MX2: variants seen among roughly 807,000 people sequenced by gnomAD.
MX2 encodes the protein interferon-induced GTP-binding protein Mx2.
A neutral mutation model predicts 74.0 loss-of-function variants in MX2; 51 were observed. The ratio of observed to expected loss-of-function variants is 0.69; its 90% CI spans 0.55 to 0.87. MX2 has a LOEUF of 0.87. Ranked by LOEUF, MX2 falls within the 40% of genes least tolerant of loss-of-function variation. The pLI is 0.00. For missense variants in MX2, 832 were observed against 908.7 expected (o/e 0.92, Z 1.09); for synonymous variants, 369 against 339.3 (o/e 1.09, Z -0.96).
intron 7 of MX2, 62 bp from the exon 8 acceptor site, chr21:41,397,551 C>G: frequency 6.7e-7 from 1 of 1,491,008 alleles, no homozygotes; most frequent in Non-Finnish European, 9.3e-7. Context: ...CGCACAAAGT[C>G]CGGTACTAGC....
chr21:41,402,306 G>T lies in MX2; in HGVS notation c.1573+178G>T. 1 of 657,346 alleles carries T rather than the reference G, an allele frequency of 1.5e-6. No individual in the cohort carries two copies. 40.7% of individuals were successfully genotyped at this position (657,346 alleles called of 1,614,324 possible). On this transcript the variant is annotated intron_variant, in intron 11 of 13. Coordinates refer to ENST00000330714, the MANE Select transcript of MX2 (RefSeq NM_002463.2). The surrounding 1 kb of genome is among the most constrained non-coding windows in gnomAD (Gnocchi z 4.5). ...CCAGCAGCACTGGCAAGGCCTGAGA[G>T]CTGGTCAGAGCTACCGATTCTGCCC...
rs201114338 is a variant in MX2, at chr21:41,406,719, G to A, written c.1651-25G>A. 2.7e-5 allele frequency: 44 copies of A among 1,600,946 alleles called. No homozygotes were observed. In the South Asian group the frequency reaches 4.2e-4, roughly 15 times the overall value. On this transcript the variant is annotated intron_variant, in intron 12 of 13. Transcript: ENST00000330714. Reference sequence around the variant, plus strand: ...ACAGGAAAGAAGAAAAAGAAGTAATGTGTTTGTCTTTTTTATCTAACCAGA... The same window carrying A: ...ACAGGAAAGAAGAAAAAGAAGTAATATGTTTGTCTTTTTTATCTAACCAGA...
At chr21:41,371,456 G>A (rs1047243385) in intron 1 of MX2, among the ~76,000 whole-genome samples, 2 of 152,030 alleles carry the variant, frequency 1.3e-5, no homozygotes, top group African/African-American at 4.8e-5. Flanking sequence ...CTCTTCCAGC[G>A]GACCCACACC....
At chr21:41,403,694 A>C in intron 12 of MX2, 1 of 508,996 alleles carries the variant, frequency 2.0e-6, no homozygotes, top group Admixed American at 2.2e-5. Context: ...CCTACTCCCA[A>C]ATTTGTATGT....
rs370154196 is a variant in MX2 at position 41,397,701 on chromosome 21, G to A, written c.1149+10G>A. On this transcript the variant is annotated intron_variant, in intron 8 of 13. Coordinates refer to ENST00000330714, the MANE Select transcript of MX2 (RefSeq NM_002463.2). ...CATCATGCATATCCAAGTGAGCCAC[G>A]TGGGTTGGGTGACAAGTCATCAATA... is the stretch of plus-strand genomic sequence containing the variant. 48 of 1,611,962 alleles carry A rather than the reference G, an allele frequency of 3.0e-5. No homozygotes were observed. The highest frequency in any genetic ancestry group is 3.8e-5 in the Non-Finnish European group (45 of 1,178,176).
Position 41,397,638 on chromosome 21 carries a change from A to T in MX2, c.1096A>T (p.Thr366Ser). Residue 366 changes from threonine (T) to serine (S), a missense_variant, in exon 8 of 14, where the codon ACG (threonine) becomes TCG (serine). Physicochemically the swap from Thr to Ser is moderately conservative, Grantham distance 58 (BLOSUM62 1). Coordinates refer to ENST00000330714, the MANE Select transcript of MX2 (RefSeq NM_002463.2). ...FRVLLEEGSATVPRLAERLTT... is the reference protein window; with the variant it reads ...FRVLLEEGSASVPRLAERLTT... ...AGTTCTCCTGGAGGAGGGGTCAGCC[A>T]CGGTTCCCCGACTGGCAGAAAGACT... 6.2e-7 allele frequency: 1 copy of T among 1,614,156 alleles called. No individual in the cohort carries two copies. The highest frequency in any genetic ancestry group is 2.2e-5 in the East Asian group (1 of 44,882).
At position 41,390,635 on chromosome 21, in the gene MX2, T is replaced by C. The variant is rs2089645600; in HGVS notation, c.803T>C (p.Val268Ala). 6.2e-7 allele frequency: 1 copy of C among 1,614,174 alleles called. No homozygotes were observed. Among genetic ancestry groups the C allele is most frequent in the Non-Finnish European group, 8.5e-7 (1 of 1,180,038 alleles). ...AACTTGGTGGTGGTTCCCTGTAACGTGGACATTGCCACCACGGAGGCGCTG... is the reference window on the plus strand; with the variant it reads ...AACTTGGTGGTGGTTCCCTGTAACGCGGACATTGCCACCACGGAGGCGCTG... Reference protein sequence around the residue: ...TINLVVVPCNVDIATTEALSM... With the variant: ...TINLVVVPCNADIATTEALSM... Residue 268 changes from valine to alanine, a missense_variant, in exon 6 of 14, where the codon GTG becomes GCG. Physicochemically the swap from Val to Ala is moderately conservative, Grantham distance 64. Transcript: ENST00000330714.
chr21:41,375,611 T>C (rs1209805595), intron 1 of MX2, among the ~76,000 whole-genome samples: 1 of 152,246 alleles, frequency 6.6e-6, no homozygotes, highest in Non-Finnish European at 1.5e-5. Context: ...CCTGTGTGTC[T>C]CCAGGTCCCA....
chr21:41,377,185 G>A, intron 2 of MX2, 30 bp downstream of exon 2: 2 of 1,610,374 alleles, frequency 1.2e-6, no homozygotes, highest in Non-Finnish European at 1.7e-6. Context: ...GTTCAGAAAG[G>A]GTGCATTCTG....
At chr21:41,385,162 C>G (rs140115484) in intron 5 of MX2, among the ~76,000 whole-genome samples, 66 of 152,298 alleles carry the variant, frequency 4.3e-4, no homozygotes, top group African/African-American at 1.5e-3. Flanking sequence ...ACTTAGCTAA[C>G]GGGTTGGCAC....
chr21:41,393,612 G>A (rs536194805), intron 6 of MX2, among the ~76,000 whole-genome samples: 1 of 152,052 alleles, frequency 6.6e-6, no homozygotes, highest in South Asian at 2.1e-4. Flanking sequence ...CAATTCTCAG[G>A]CCTCTAAGTA....
chr21:41,370,569 C>A (rs992907857), intron 1 of MX2: 1 of 152,244 alleles, frequency 6.6e-6, no homozygotes, highest in Non-Finnish European at 1.5e-5. Context: ...ATTTCTCTTG[C>A]AAATGGTTCT....
chr21:41,369,492 G>A lies in MX2; in HGVS notation c.-71-7344G>A, dbSNP rs561705741. ...CAGGTCATCACAGGGTGACATCTGG[G>A]GATGAGGCTGGCCGGGGCACGGGGC... On this transcript the variant is annotated intron_variant, in intron 1 of 13. Transcript: ENST00000330714. 3.9e-3 allele frequency among the ~76,000 whole-genome samples: 600 copies of A among 152,316 alleles called. 4 individuals are homozygous for A. Among genetic ancestry groups the A allele is most frequent in the African/African-American group, 0.014 (570 of 41,576 alleles).
At chr21:41,399,053 C>A (rs570817986) in intron 9 of MX2, 34 bp downstream of exon 9, 1 of 1,602,390 alleles carries the variant, frequency 6.2e-7, no homozygotes, top group Non-Finnish European at 8.5e-7. Flanking sequence ...CGTGACACTG[C>A]ATCCTTCCCT....
intron 5 of MX2, among the ~76,000 whole-genome samples, chr21:41,384,108 C>G (rs1017129334): frequency 6.6e-6 from 1 of 152,108 alleles, no homozygotes; most frequent in African/African-American, 2.4e-5. Flanking sequence ...GCACACATTC[C>G]CTCCTGCCGC....
intron 5 of MX2, among the ~76,000 whole-genome samples, chr21:41,387,795 G>T (rs2089601399): frequency 6.6e-6 from 1 of 152,102 alleles, no homozygotes; most frequent in Non-Finnish European, 1.5e-5. Context: ...CATCTAATCG[G>T]TACACAAACT....
chr21:41,370,320 C>G (rs547132221), intron 1 of MX2: 1 of 152,264 alleles, frequency 6.6e-6, no homozygotes, highest in Non-Finnish European at 1.5e-5. Flanking sequence ...GGAGCTGAAT[C>G]CTGAGATTGT....
chr21:41,397,966 G>C (rs933987010), intron 8 of MX2, among the ~76,000 whole-genome samples: 34 of 152,214 alleles, frequency 2.2e-4, no homozygotes, highest in Non-Finnish European at 4.8e-4. Context: ...AGTGACCACT[G>C]AGAGAGCAAG....
chr21:41,384,611 T>G (rs1420350800), intron 5 of MX2, among the ~76,000 whole-genome samples: 3 of 152,226 alleles, frequency 2.0e-5, no homozygotes, highest in Admixed American at 6.5e-5. Flanking sequence ...ATGATGCACG[T>G]TGTACAGTGT....
Sources: gnomAD v4.1 joint callset for allele counts (sites outside exome capture counted in the v4.1 genomes callset) on GRCh38, gnomAD v4.1.1 for gene constraint, Gnocchi (gnomAD v3.1) non-coding constraint, MANE v1.5 for transcripts, NCBI Gene and HGNC (gene_info 2026-07-23, HGNC 2026-07-21) for gene names.